Variants in FILIP1L observed in about 807,000 individuals in gnomAD.
FILIP1L encodes filamin A interacting protein 1 like.
FILIP1L carries 55 observed loss-of-function variants against 96.6 expected under a neutral mutation model. That is an observed-to-expected ratio of 0.57 (90% CI 0.46 to 0.71). FILIP1L has a LOEUF of 0.71. Among genes scored for constraint, FILIP1L ranks in the 30% least tolerant of loss-of-function variants. The pLI is 0.00. For missense variants in FILIP1L, 1,304 were observed against 1,321.2 expected, an observed-to-expected ratio of 0.99 and a Z score of 0.20; for synonymous variants, 467 against 473.9, an observed-to-expected ratio of 0.99 and a Z score of 0.19.
chr3:99,902,140 A>T (rs1473956112), intron 4 of FILIP1L, among the ~76,000 whole-genome samples: 4 of 152,188 alleles, frequency 2.6e-5, no homozygotes, highest in Non-Finnish European at 5.9e-5. Context: ...TCATGATGTT[A>T]TATTAGACAT....
intron 1 of FILIP1L, chr3:100,040,652 A>G (rs2065190118): frequency 6.6e-6 from 1 of 152,232 alleles, no homozygotes; most frequent in Non-Finnish European, 1.5e-5. Context: ...CAATACACAC[A>G]TAAGCCAGTG....
intron 1 of FILIP1L, among the ~76,000 whole-genome samples, chr3:100,063,690 G>T (rs2065613024): frequency 6.6e-6 from 1 of 152,014 alleles, no homozygotes; most frequent in Admixed American, 6.6e-5. Flanking sequence ...TGGTTAGTGA[G>T]TTGTGTGTGT....
At chr3:99,885,686 A>G (rs1177877504) in intron 4 of FILIP1L, among the ~76,000 whole-genome samples, 1 of 152,304 alleles carries the variant, frequency 6.6e-6, no homozygotes, top group East Asian at 1.9e-4. Flanking sequence ...TCTGTCATCT[A>G]TTTGTGGCTA....
chr3:100,027,104 C>T (rs1427594523), intron 1 of FILIP1L, among the ~76,000 whole-genome samples: 3 of 152,110 alleles, frequency 2.0e-5, no homozygotes, highest in Non-Finnish European at 4.4e-5. Flanking sequence ...GTGAAACCTG[C>T]CTTGGACACG....
Position 100,082,152 on chromosome 3 carries a change from T to C in FILIP1L, c.-11+31901A>G, listed in dbSNP as rs2065942645. Among the ~76,000 whole-genome samples, 3 of 152,174 alleles carry C rather than the reference T, an allele frequency of 2.0e-5. No homozygotes were observed. The South Asian group carries it at 6.2e-4, about 32-fold the overall frequency. ...AAATTGCAAAATACAAACAACTCTT[T>C]ATTTTCCCATTATGTTGTTTATAAC... On this transcript the variant is annotated intron_variant, in intron 1 of 5. Transcript: ENST00000477258.
intron 4 of FILIP1L, among the ~76,000 whole-genome samples, chr3:99,856,537 A>G (rs1943974887): frequency 6.6e-6 from 1 of 152,242 alleles, no homozygotes; most frequent in Non-Finnish European, 1.5e-5. Flanking sequence ...AAGTGAGGTA[A>G]TTAAATCCAA....
chr3:100,054,477 A>ATGTTTTGTTATG (rs2065427008), intron 1 of FILIP1L, among the ~76,000 whole-genome samples: 1 of 138,072 alleles, frequency 7.2e-6, no homozygotes. Context: ...CGTTCATTAT[A>ATGTTTTGTTATG]TTATGTTATG....
chr3:99,924,494 T>A, intron 3 of FILIP1L, 86 bp from the exon 4 acceptor site: 3 of 1,347,340 alleles, frequency 2.2e-6, no homozygotes, highest in Admixed American at 4.3e-5. Flanking sequence ...CTGTTTTGAT[T>A]AATTCGGCAG....
At chr3:100,067,624 A>G (rs778279506) in intron 1 of FILIP1L, among the ~76,000 whole-genome samples, 1 of 152,246 alleles carries the variant, frequency 6.6e-6, no homozygotes, top group Non-Finnish European at 1.5e-5. Flanking sequence ...AAGAACAACT[A>G]GAATTCACAA....
intron 4 of FILIP1L, among the ~76,000 whole-genome samples, chr3:99,913,391 A>G (rs565594651): frequency 6.6e-6 from 1 of 152,334 alleles, no homozygotes; most frequent in Admixed American, 6.5e-5. Context: ...AAGTTATCGT[A>G]GTGGATATGA....
chr3:100,008,909 A>G (rs1710065516), intron 1 of FILIP1L, among the ~76,000 whole-genome samples: 1 of 152,224 alleles, frequency 6.6e-6, no homozygotes. Flanking sequence ...AAGTGCCTAC[A>G]TAGTTCAGAA....
At chr3:100,085,492 C>G (rs904072908) in intron 1 of FILIP1L, among the ~76,000 whole-genome samples, 2 of 152,190 alleles carry the variant, frequency 1.3e-5, no homozygotes, top group African/African-American at 4.8e-5. Context: ...ATCCAAAGTT[C>G]CTTTGCTTTT....
intron 1 of FILIP1L, among the ~76,000 whole-genome samples, chr3:100,111,072 A>G (rs1044090274): frequency 6.6e-6 from 1 of 152,154 alleles, no homozygotes; most frequent in Non-Finnish European, 1.5e-5. Context: ...AGTTCGCCAT[A>G]TTCTACTTCA....
intron 4 of FILIP1L, among the ~76,000 whole-genome samples, chr3:99,905,404 T>TA: frequency 6.6e-6 from 1 of 152,342 alleles, no homozygotes; most frequent in East Asian, 1.9e-4. Context: ...TAATTGCTCT[T>TA]ACTAGGACTA....
intron 1 of FILIP1L, among the ~76,000 whole-genome samples, chr3:100,090,979 T>C (rs2066093337): frequency 6.6e-6 from 1 of 152,088 alleles, no homozygotes; most frequent in Admixed American, 6.5e-5. Flanking sequence ...ATTTGGAAAA[T>C]GTCATTCCTG....
At chr3:100,006,636 A>G (rs2107181295) in intron 1 of FILIP1L, among the ~76,000 whole-genome samples, 1 of 151,044 alleles carries the variant, frequency 6.6e-6, no homozygotes, top group South Asian at 2.1e-4. Flanking sequence ...CAGCTCATTT[A>G]TCTTACATCT....
chr3:99,952,266 A>AG (rs2107690233), intron 1 of FILIP1L, among the ~76,000 whole-genome samples: 1 of 152,292 alleles, frequency 6.6e-6, no homozygotes, highest in South Asian at 2.1e-4. Flanking sequence ...AAATCAAATT[A>AG]GGGCAGTTTC....
intron 5 of FILIP1L, chr3:99,833,281 A>G (rs1942759625): frequency 4.4e-6 from 7 of 1,601,516 alleles, no homozygotes; most frequent in Non-Finnish European, 6.0e-6. Flanking sequence ...AGTAGAAAGA[A>G]GAGGAGTAAA....
intron 1 of FILIP1L, among the ~76,000 whole-genome samples, chr3:100,086,182 A>G (rs1346319267): frequency 1.3e-5 from 2 of 152,228 alleles, no homozygotes; most frequent in East Asian, 3.8e-4. Flanking sequence ...GCAGTGGTAG[A>G]GAGTCTTTGA....
Sources: gnomAD v4.1 joint callset for allele counts (sites outside exome capture counted in the v4.1 genomes callset) on GRCh38, gnomAD v4.1.1 for gene constraint, MANE v1.5 for transcripts, NCBI Gene and HGNC (gene_info 2026-07-23, HGNC 2026-07-21) for gene names.